The following RNLS variants were observed in gnomAD, a reference collection of about 807,000 sequenced individuals.
The protein encoded by RNLS is renalase.
In RNLS, 39 loss-of-function variants were observed where a neutral mutation model predicts 39.8. The observed-to-expected ratio is 0.98, with a 90% CI of 0.76 to 1.28. RNLS has a LOEUF of 1.28. RNLS is among the 50% of genes most tolerant of loss of function. RNLS has a pLI of 0.00. For missense variants in RNLS, 410 were observed against 413.3 expected (o/e 0.99, Z 0.07); for synonymous variants, 147 against 150.7 (o/e 0.98, Z 0.18).
chr10:88,344,536 G>C (rs189613679), intron 5 of RNLS, among the ~76,000 whole-genome samples: 6 of 151,806 alleles, frequency 4.0e-5, no homozygotes, highest in Admixed American at 3.9e-4. Context: ...TAAATCAGAG[G>C]GACTATAATC....
At chr10:88,567,917 C>T (rs1849605508) in intron 4 of RNLS, among the ~76,000 whole-genome samples, 1 of 152,148 alleles carries the variant, frequency 6.6e-6, no homozygotes, top group Admixed American at 6.5e-5. Context: ...AAACCAAGGT[C>T]AATGTTAGCT....
intron 4 of RNLS, among the ~76,000 whole-genome samples, chr10:88,522,319 T>C (rs1385939083): frequency 1.3e-5 from 2 of 152,044 alleles, no homozygotes; most frequent in African/African-American, 4.8e-5. Flanking sequence ...TACAGAAATT[T>C]GAATATTGAA....
chr10:88,528,016 A>C (rs1274837506), intron 4 of RNLS, among the ~76,000 whole-genome samples: 2 of 151,988 alleles, frequency 1.3e-5, no homozygotes, highest in African/African-American at 4.8e-5. Context: ...GTACTAAAAA[A>C]CAGAAAAGTA....
At chr10:88,189,800 C>T in the RNLS span, among the ~76,000 whole-genome samples, 24 of 152,290 alleles carry the variant, frequency 1.6e-4, no homozygotes, top group Admixed American at 1.4e-3. Context: ...TGCAATGCAG[C>T]GAAGCACTGG....
intron 6 of RNLS, among the ~76,000 whole-genome samples, chr10:88,313,835 C>T (rs1471176803): frequency 1.3e-5 from 2 of 152,200 alleles, no homozygotes; most frequent in Non-Finnish European, 2.9e-5. Context: ...TGAATACTCA[C>T]TTCCATTGAA....
At chr10:88,426,989 G>A (rs1186368337) in intron 4 of RNLS, among the ~76,000 whole-genome samples, 18 of 151,844 alleles carry the variant, frequency 1.2e-4, no homozygotes, top group Admixed American at 1.2e-3. Flanking sequence ...AACAGGAAAT[G>A]GTTTCCTTTT....
intron 4 of RNLS, among the ~76,000 whole-genome samples, chr10:88,408,573 A>G (rs1229854514): frequency 6.6e-6 from 1 of 152,070 alleles, no homozygotes; most frequent in Admixed American, 6.6e-5. Flanking sequence ...CACCCGGCCA[A>G]TAAATTTTTT....
At position 88,583,230 on chromosome 10, in the gene RNLS, G is replaced by C. The variant is rs112741258; in HGVS notation, c.-40C>G. ...GCGATCCGCGCTGAGTCTCTGCGGC[G>C]GGGCCGTTCGGCCCGGGCTTTCTGG... On this transcript the variant is annotated 5_prime_UTR_variant, in exon 1 of 7. Transcript: ENST00000331772. 4 of 1,608,902 alleles carry C rather than the reference G, an allele frequency of 2.5e-6. No homozygotes were observed. The highest frequency in any genetic ancestry group is 8.5e-7 in the Non-Finnish European group (1 of 1,178,396).
chr10:88,420,048 AAATAAATAAATGAATG>A (rs1409828769), intron 4 of RNLS, among the ~76,000 whole-genome samples: 4,940 of 121,336 alleles, frequency 0.041, 119 homozygotes, highest in Middle Eastern at 0.076. Context: ...ATAAATAAAT[AAATAAATAAATGAATG>A]AATAAATAAA....
intron 4 of RNLS, chr10:88,545,361 T>C: frequency 2.3e-6 from 1 of 429,322 alleles, no homozygotes; most frequent in Non-Finnish European, 4.6e-6. Context: ...GGGTAATTTA[T>C]AAAGAAAAAG....
intron 4 of RNLS, among the ~76,000 whole-genome samples, chr10:88,474,628 T>A (rs1280695221): frequency 6.6e-6 from 1 of 152,136 alleles, no homozygotes; most frequent in Admixed American, 6.6e-5. Context: ...AAAAAGGTAG[T>A]TAAGAAAATG....
At chr10:88,440,252 C>T (rs1841636839) in intron 4 of RNLS, among the ~76,000 whole-genome samples, 1 of 152,124 alleles carries the variant, frequency 6.6e-6, no homozygotes, top group Non-Finnish European at 1.5e-5. Context: ...GTGCTTTAGG[C>T]TAAAGTAGTC....
chr10:88,494,081 A>G (rs546575622), intron 4 of RNLS, among the ~76,000 whole-genome samples: 22 of 152,304 alleles, frequency 1.4e-4, no homozygotes, highest in African/African-American at 4.1e-4. Flanking sequence ...AATAAGAAAC[A>G]TATGGATTCT....
chr10:88,468,983 C>A (rs1336962411), intron 4 of RNLS, among the ~76,000 whole-genome samples: 1 of 151,852 alleles, frequency 6.6e-6, no homozygotes, highest in Admixed American at 6.6e-5. Flanking sequence ...TCTAAAAGCT[C>A]ATGTTTTTGA....
At chr10:88,384,257 A>T (rs1851728693) in intron 4 of RNLS, among the ~76,000 whole-genome samples, 1 of 152,188 alleles carries the variant, frequency 6.6e-6, no homozygotes, top group South Asian at 2.1e-4. Context: ...TAATTGTATA[A>T]GTTCATGTTT....
intron 6 of RNLS, among the ~76,000 whole-genome samples, chr10:88,294,468 A>T (rs1843925088): frequency 1.3e-5 from 2 of 152,110 alleles, no homozygotes; most frequent in Admixed American, 6.6e-5. Context: ...AAATTTATAC[A>T]CAAAATATTT....
the RNLS span, among the ~76,000 whole-genome samples, chr10:88,244,424 G>A: frequency 6.6e-6 from 1 of 152,136 alleles, no homozygotes; most frequent in African/African-American, 2.4e-5. Context: ...ATTCTCTCCA[G>A]GAAGAGTAGC....
chr10:88,183,374 G>A, the RNLS span, among the ~76,000 whole-genome samples: 1 of 152,096 alleles, frequency 6.6e-6, no homozygotes, highest in Admixed American at 6.6e-5. Flanking sequence ...CAACTTCATA[G>A]ACATTGAGAA....
chr10:88,440,266 A>C (rs1841637346), intron 4 of RNLS, among the ~76,000 whole-genome samples: 1 of 152,174 alleles, frequency 6.6e-6, no homozygotes, highest in African/African-American at 2.4e-5. Context: ...AGTAGTCATT[A>C]ATGGTCAGGA....
Sources: gnomAD v4.1 joint callset for allele counts (sites outside exome capture counted in the v4.1 genomes callset) on GRCh38, gnomAD v4.1.1 for gene constraint, MANE v1.5 for transcripts, NCBI Gene and HGNC (gene_info 2026-07-23, HGNC 2026-07-21) for gene names.